Variants in TSPEAR observed in about 807,000 individuals in gnomAD.
The protein encoded by TSPEAR is thrombospondin type laminin G domain and EAR repeats, also known as thrombospondin-type laminin G domain and EAR repeat-containing protein.
Under a neutral mutation model 71.6 loss-of-function variants are expected in TSPEAR, and 69 were observed. The observed-to-expected ratio is 0.96, with a 90% CI of 0.79 to 1.18. TSPEAR has a LOEUF of 1.18. Among genes scored for constraint, TSPEAR ranks in the 50% most tolerant of loss-of-function variants. TSPEAR has a pLI of 0.00. For synonymous variants in TSPEAR, 402 were observed against 387.2 expected (o/e 1.04, Z -0.45); for missense variants, 971 against 894.9 (o/e 1.09, Z -1.09).
At chr21:44,670,679 G>A (rs1447977926) in intron 1 of TSPEAR, among the ~76,000 whole-genome samples, 1 of 152,152 alleles carries the variant, frequency 6.6e-6, no homozygotes, top group Non-Finnish European at 1.5e-5. Flanking sequence ...TTGCCAGGAT[G>A]CCACATAATG....
In TSPEAR at chr21:44,591,431, G is replaced by T. The variant is rs369538844; in HGVS notation, c.83-23426C>A. ...CCAGAGCAGAGGCTGTAGCAGGCAG[G>T]GCGGGAGCACATGGGGCGGCAGAGG... is the stretch of plus-strand genomic sequence containing the variant. On this transcript the variant is annotated intron_variant, in intron 1 of 11. Transcript: ENST00000323084. 1.4e-5 allele frequency: 23 copies of T among 1,613,402 alleles called. No individual in the cohort carries two copies. The African/African-American group carries it at 2.9e-4, about 21-fold the overall frequency.
chr21:44,629,886 A>G (rs1983157120), intron 1 of TSPEAR, among the ~76,000 whole-genome samples: 1 of 152,168 alleles, frequency 6.6e-6, no homozygotes, highest in Non-Finnish European at 1.5e-5. Context: ...CAGAAGGGGA[A>G]GGTGGGGATG....
intron 9 of TSPEAR, chr21:44,517,767 C>G (rs1313033364): frequency 4.2e-6 from 2 of 471,120 alleles, no homozygotes; most frequent in African/African-American, 4.0e-5. Flanking sequence ...ACTGAGCCCT[C>G]CTACCTCCTG....
chr21:44,681,939 G>C lies in TSPEAR; in HGVS notation c.82+29494C>G. On this transcript the variant is annotated intron_variant, in intron 1 of 11. Transcript: ENST00000323084. ...GCAGGAGGGAGCCGCATACACGACG[G>C]GCCTGCAGCTCACGGGCACGCACAC... is the stretch of plus-strand genomic sequence containing the variant. 3 of 1,614,138 alleles carry C rather than the reference G, an allele frequency of 1.9e-6. No individual in the cohort carries two copies. In the South Asian group the frequency reaches 3.3e-5, roughly 18 times the overall value.
At chr21:44,654,246 C>T (rs782224181) in intron 1 of TSPEAR, 5 of 1,577,248 alleles carry the variant, frequency 3.2e-6, no homozygotes, top group Non-Finnish European at 4.4e-6. Flanking sequence ...TCTGACCTCG[C>T]ACCTACGAGG....
In TSPEAR at chr21:44,521,875, G is replaced by A. The variant is rs782775533; in HGVS notation, c.1566+8C>T. 1.2e-6 allele frequency: 2 copies of A among 1,612,096 alleles called. No individual in the cohort carries two copies. Among genetic ancestry groups the A allele is most frequent in the South Asian group, 1.1e-5 (1 of 91,060 alleles). The stretch of plus-strand genomic sequence containing the variant: ...ATGGAGAGCCGGGGCTCATGCGGGG[G>A]GCCTTACCGGGAAGGACTGGAAGAG... On this transcript the variant is annotated splice_region_variant and intron_variant, in intron 9 of 11. Coordinates refer to ENST00000323084, the MANE Select transcript of TSPEAR (RefSeq NM_144991.3).
rs201295181 is a variant in TSPEAR, at chr21:44,627,257, C to A, written c.83-59252G>T. 2.1e-4 allele frequency: 342 copies of A among 1,612,726 alleles called. No homozygotes were observed. The African/African-American group carries it at 3.8e-3, about 18-fold the overall frequency. On this transcript the variant is annotated intron_variant, in intron 1 of 11. Coordinates refer to ENST00000323084, the MANE Select transcript of TSPEAR (RefSeq NM_144991.3). ...GACTGCCCAGAGAGCTGCTGTGAGC[C>A]CCCCTGCTGCGCCACCAGCTGCTGC...
rs200844181 is a variant in TSPEAR, at chr21:44,612,287, C to G, written c.83-44282G>C. ...CTCCTGTGCCTCCAGCTGCTGTACC[C>G]CTAGCTGCTGTGCCCCAGCCCCCTG... On this transcript the variant is annotated intron_variant, in intron 1 of 11. Coordinates refer to ENST00000323084, the MANE Select transcript of TSPEAR (RefSeq NM_144991.3). This position sits in a 1 kb window ranked among gnomAD's most constrained non-coding sequence, Gnocchi z 4.1. 68 of 1,613,576 alleles carry G rather than the reference C, an allele frequency of 4.2e-5. No individual in the cohort carries two copies. In the East Asian group the frequency reaches 1.4e-3, roughly 32 times the overall value.
rs188991372 is a variant in TSPEAR at position 44,584,763 on chromosome 21, A to T, written c.83-16758T>A. On this transcript the variant is annotated intron_variant, in intron 1 of 11. Transcript: ENST00000323084. ...GTCTTATATTGAAGGCTGATGATATACACCTTTAAAACATCTGAGTCTGCC... is the reference window on the plus strand; with the variant it reads ...GTCTTATATTGAAGGCTGATGATATTCACCTTTAAAACATCTGAGTCTGCC... 7.2e-4 allele frequency among the ~76,000 whole-genome samples: 109 copies of T among 152,354 alleles called. 1 individual carries two copies. The highest frequency in any genetic ancestry group is 2.3e-3 in the African/African-American group (94 of 41,586).
intron 2 of TSPEAR, chr21:44,539,119 A>C: frequency 7.4e-6 from 8 of 1,086,872 alleles, no homozygotes; most frequent in Non-Finnish European, 1.0e-5. Context: ...CTGGAAGGCA[A>C]GAGCTGGGGA....
In TSPEAR at chr21:44,711,386, C is replaced by A. The variant is rs1204351394; in HGVS notation, c.82+47G>T. 7.9e-6 allele frequency: 12 copies of A among 1,527,172 alleles called. No individual in the cohort carries two copies. The highest frequency in any genetic ancestry group is 1.1e-5 in the Non-Finnish European group (12 of 1,125,558). The allele number at this position is 1,527,172 out of a possible 1,614,324, so 94.6% of individuals were successfully genotyped here. A position where few individuals can be genotyped will look rare whatever the true frequency, so the allele number is the denominator to read the frequency against. ...ATTTGTGACTCGACACCCCTCCCAG[C>A]TCCCCGGCAAGATACCCCCGCCCGA... On this transcript the variant is annotated intron_variant, in intron 1 of 11. Coordinates refer to ENST00000323084, the MANE Select transcript of TSPEAR (RefSeq NM_144991.3). The surrounding 1 kb of genome is among the most constrained non-coding windows in gnomAD (Gnocchi z 4.5).
chr21:44,514,570 G>T (rs2145937904), intron 9 of TSPEAR, among the ~76,000 whole-genome samples: 1 of 152,254 alleles, frequency 6.6e-6, no homozygotes, highest in Admixed American at 6.5e-5. Context: ...AACACCTTCT[G>T]AGGTCTGCAG....
chr21:44,528,688 C>A (rs1555915288), intron 5 of TSPEAR, 105 bp from the exon 6 acceptor site: 1 of 1,451,540 alleles, frequency 6.9e-7, no homozygotes. Context: ...TCAGCCTCTG[C>A]ATGCGGGCCT....
At chr21:44,652,437 G>T (rs68065001) in intron 1 of TSPEAR, among the ~76,000 whole-genome samples, 15,995 of 152,160 alleles carry the variant, frequency 0.11, 1,019 homozygotes, top group Non-Finnish European at 0.13. Flanking sequence ...CTCCTCCATG[G>T]TTACAGGTGA....
intron 1 of TSPEAR, chr21:44,702,660 C>G (rs1002697494): frequency 3.2e-6 from 5 of 1,573,384 alleles, no homozygotes; most frequent in South Asian, 1.1e-5. Flanking sequence ...GCTGCATGCC[C>G]GTCCCCTCCT....
intron 1 of TSPEAR, among the ~76,000 whole-genome samples, chr21:44,706,390 C>G (rs1186513934): frequency 7.9e-5 from 12 of 151,648 alleles, no homozygotes; most frequent in African/African-American, 2.9e-4. Context: ...CACGCGCGTG[C>G]ACCCATGCGC....
rs116103033 is a variant in TSPEAR, at chr21:44,702,893, T to G, written c.82+8540A>C. ...GCACACGCACTAGTACACACCGCAC[T>G]GGTACACACCACAGTGTGCAAGCTG... On this transcript the variant is annotated intron_variant, in intron 1 of 11. Transcript: ENST00000323084. 8.1e-3 allele frequency: 5,325 copies of G among 657,364 alleles called. 172 individuals are homozygous for G. Among genetic ancestry groups the G allele is most frequent in the African/African-American group, 0.071 (3,946 of 55,390 alleles). The allele number at this position is 657,364 out of a possible 1,614,324, so 40.7% of individuals were successfully genotyped here. A position where few individuals can be genotyped will look rare whatever the true frequency, so the allele number is the denominator to read the frequency against.
chr21:44,639,931 T>C (rs184636330), intron 1 of TSPEAR, among the ~76,000 whole-genome samples: 11 of 152,354 alleles, frequency 7.2e-5, no homozygotes, highest in Admixed American at 5.2e-4. Context: ...TCGATGTGTC[T>C]TCTGCCTCAT....
intron 1 of TSPEAR, chr21:44,657,903 G>C: frequency 3.5e-6 from 5 of 1,441,330 alleles, no homozygotes; most frequent in Non-Finnish European, 4.8e-6. Flanking sequence ...ACAGGACCCA[G>C]GTATAAAGAC....
Sources: gnomAD v4.1 joint callset for allele counts (sites outside exome capture counted in the v4.1 genomes callset) on GRCh38, gnomAD v4.1.1 for gene constraint, Gnocchi (gnomAD v3.1) non-coding constraint, MANE v1.5 for transcripts, NCBI Gene and HGNC (gene_info 2026-07-23, HGNC 2026-07-21) for gene names.